The following EYS variants were observed in gnomAD, a reference collection of about 807,000 sequenced individuals.
EYS encodes the protein protein eyes shut homolog.
In EYS, 250 loss-of-function variants were observed where a neutral mutation model predicts 282.1. That is an observed-to-expected ratio of 0.89 (90% CI 0.80 to 0.98). The LOEUF (loss-of-function observed/expected upper bound fraction) is 0.98, where lower values mean the gene tolerates loss of function less well. EYS is among the 50% of genes least tolerant of loss of function. The pLI is 0.00. For missense variants in EYS, 4,016 were observed against 3,709.0 expected (o/e 1.08, Z -2.15); for synonymous variants, 1,355 against 1,282.9 (o/e 1.06, Z -1.20).
intron 12 of EYS, among the ~76,000 whole-genome samples, chr6:65,103,289 A>G (rs949623923): frequency 6.6e-6 from 1 of 151,568 alleles, no homozygotes; most frequent in African/African-American, 2.4e-5. Flanking sequence ...GTCTTATGCT[A>G]TAACAATTGA....
At chr6:64,948,974 T>C (rs1175120808) in intron 14 of EYS, among the ~76,000 whole-genome samples, 2 of 152,052 alleles carry the variant, frequency 1.3e-5, no homozygotes, top group African/African-American at 4.8e-5. Context: ...ATAAACTATA[T>C]AGTAGTTCAC....
intron 22 of EYS, among the ~76,000 whole-genome samples, chr6:64,650,934 T>C (rs976135296): frequency 6.6e-6 from 1 of 151,992 alleles, no homozygotes; most frequent in Admixed American, 6.6e-5. Context: ...TAAAAATGTA[T>C]CTTCACGTTT....
chr6:64,068,186 A>G (rs1335989726), intron 32 of EYS, among the ~76,000 whole-genome samples: 1 of 152,084 alleles, frequency 6.6e-6, no homozygotes, highest in Non-Finnish European at 1.5e-5. Context: ...TATTCTGTTT[A>G]TTATAGCTTT....
intron 35 of EYS, among the ~76,000 whole-genome samples, chr6:63,924,529 A>G (rs1378120527): frequency 1.3e-5 from 2 of 152,234 alleles, no homozygotes; most frequent in African/African-American, 4.8e-5. Flanking sequence ...AGGTGTGCTA[A>G]CAATTACTTA....
chr6:64,402,222 C>A (rs544858118), intron 28 of EYS, among the ~76,000 whole-genome samples: 1 of 152,064 alleles, frequency 6.6e-6, no homozygotes, highest in Non-Finnish European at 1.5e-5. Context: ...TTAAAGTGTG[C>A]CACTCATTTT....
At chr6:64,385,368 G>C (rs1400372755) in intron 29 of EYS, among the ~76,000 whole-genome samples, 1 of 151,990 alleles carries the variant, frequency 6.6e-6, no homozygotes, top group African/African-American at 2.4e-5. Flanking sequence ...GTATAAAAAA[G>C]AATAAAAAAT....
chr6:65,483,363 TAGG>T (rs902576464), intron 5 of EYS, among the ~76,000 whole-genome samples: 4 of 152,142 alleles, frequency 2.6e-5, no homozygotes, highest in African/African-American at 9.6e-5. Context: ...TAAACTGCTT[TAGG>T]TATGACAATT....
intron 33 of EYS, among the ~76,000 whole-genome samples, chr6:64,016,099 C>T (rs1012341291): frequency 6.6e-6 from 1 of 152,130 alleles, no homozygotes; most frequent in Admixed American, 6.5e-5. Context: ...TGTCCTGCCT[C>T]CTATTAAAAG....
intron 2 of EYS, among the ~76,000 whole-genome samples, chr6:65,529,082 G>T (rs1256695464): frequency 6.6e-6 from 1 of 152,040 alleles, no homozygotes; most frequent in Admixed American, 6.6e-5. Context: ...CCGCCATCTT[G>T]AAGTGGATAT....
In EYS at chr6:64,083,526, T is replaced by C. The variant is rs148536890; in HGVS notation, c.6425-1524A>G. ...TGTTTCTGACCCTTCCAGCTTTGAA[T>C]GGGGAGAAAGTAAGGTGGGGTGGAA... On this transcript the variant is annotated intron_variant, in intron 31 of 42. Transcript: ENST00000503581. 6.2e-3 allele frequency among the ~76,000 whole-genome samples: 943 copies of C among 152,114 alleles called. 5 individuals carry two copies. Among genetic ancestry groups the C allele is most frequent in the African/African-American group, 0.021 (881 of 41,482 alleles).
At chr6:64,823,874 C>T (rs1583195639) in intron 19 of EYS, among the ~76,000 whole-genome samples, 1 of 151,840 alleles carries the variant, frequency 6.6e-6, no homozygotes, top group East Asian at 1.9e-4. Context: ...CCGTGGATAC[C>T]AATTGGAAAA....
At chr6:65,375,480 T>C (rs1451313522) in intron 8 of EYS, among the ~76,000 whole-genome samples, 5 of 151,882 alleles carry the variant, frequency 3.3e-5, no homozygotes, top group Non-Finnish European at 7.4e-5. Flanking sequence ...ATGCTTCTTC[T>C]CCTCCAAATG....
chr6:65,207,305 A>T (rs1303193096), intron 12 of EYS, among the ~76,000 whole-genome samples: 1 of 151,758 alleles, frequency 6.6e-6, no homozygotes, highest in Non-Finnish European at 1.5e-5. Flanking sequence ...ATACCTAGGA[A>T]TACACTTAAA....
At chr6:64,084,374 A>G (rs556037665) in intron 31 of EYS, among the ~76,000 whole-genome samples, 5 of 152,192 alleles carry the variant, frequency 3.3e-5, no homozygotes, top group Non-Finnish European at 7.3e-5. Context: ...AGGCTATTGC[A>G]ATAAGGGAGA....
At chr6:63,847,159 C>A (rs2149700679) in intron 36 of EYS, among the ~76,000 whole-genome samples, 1 of 152,238 alleles carries the variant, frequency 6.6e-6, no homozygotes, top group Middle Eastern at 3.4e-3. Flanking sequence ...ACCATTACAG[C>A]AAAATTGGGA....
At position 65,632,036 on chromosome 6, in the gene EYS, G is replaced by A. The variant is rs189162255; in HGVS notation, c.-333+7742C>T. ...AGATTATGGTAAACAATATGTCTTA[G>A]GTAACACAATTGTTAACGTAATAGA... On this transcript the variant is annotated intron_variant, in intron 2 of 42. Transcript: ENST00000503581. 8.5e-5 allele frequency among the ~76,000 whole-genome samples: 13 copies of A among 152,144 alleles called. 1 individual carries two copies. The East Asian group carries it at 1.5e-3, about 18-fold the overall frequency.
At position 64,451,759 on chromosome 6, in the gene EYS, C is replaced by G. The variant is rs759741629; in HGVS notation, c.5645-12407G>C. Among the ~76,000 whole-genome samples the G allele has an allele frequency of 7.2e-5, 11 of 152,196 alleles. No individual in the cohort carries two copies. In the East Asian group the frequency reaches 1.7e-3, roughly 24 times the overall value. ...TATAAACAGAACCAACGACAAAAACCACATGATTATCTCAATAGATGCAGA... is the reference window on the plus strand; with the variant it reads ...TATAAACAGAACCAACGACAAAAACGACATGATTATCTCAATAGATGCAGA... On this transcript the variant is annotated intron_variant, in intron 26 of 42. Coordinates refer to ENST00000503581, the MANE Select transcript of EYS (RefSeq NM_001142800.2).
chr6:64,267,986 T>G (rs1197852069), intron 30 of EYS, among the ~76,000 whole-genome samples: 1 of 152,134 alleles, frequency 6.6e-6, no homozygotes, highest in Non-Finnish European at 1.5e-5. Context: ...TGATTTTGTG[T>G]TTAAAAGCAT....
At chr6:64,780,965 G>T (rs958824061) in intron 22 of EYS, among the ~76,000 whole-genome samples, 1 of 152,036 alleles carries the variant, frequency 6.6e-6, no homozygotes, top group Non-Finnish European at 1.5e-5. Context: ...AGGGGATAAG[G>T]TTTATATTTC....
Sources: gnomAD v4.1 joint callset for allele counts (sites outside exome capture counted in the v4.1 genomes callset) on GRCh38, gnomAD v4.1.1 for gene constraint, MANE v1.5 for transcripts, NCBI Gene and HGNC (gene_info 2026-07-23, HGNC 2026-07-21) for gene names.